The following RBFOX1 variants were observed in gnomAD, a reference collection of about 807,000 sequenced individuals.
RBFOX1 encodes the protein RNA binding fox-1 homolog 1.
RBFOX1 carries 8 observed loss-of-function variants against 57.7 expected under a neutral mutation model. The observed-to-expected ratio is 0.14, with a 90% CI of 0.08 to 0.25. The LOEUF (loss-of-function observed/expected upper bound fraction) is 0.25. Among genes scored for constraint, RBFOX1 ranks in the 10% least tolerant of loss-of-function variants. The pLI, the probability that RBFOX1 is intolerant of heterozygous loss-of-function variation, is 1.00. For synonymous variants in RBFOX1, 326 were observed against 222.4 expected, an observed-to-expected ratio of 1.47 and a Z score of -4.15; for missense variants, 611 against 548.5, an observed-to-expected ratio of 1.11 and a Z score of -1.14.
chr16:6,871,489 A>G (rs145749067), intron 3 of RBFOX1, among the ~76,000 whole-genome samples: 2 of 151,962 alleles, frequency 1.3e-5, no homozygotes, highest in Non-Finnish European at 2.9e-5. Context: ...CCCGGCCTCA[A>G]AATCACTCTT....
chr16:5,424,245 G>A (rs2067443958), intron 1 of RBFOX1, among the ~76,000 whole-genome samples: 2 of 152,198 alleles, frequency 1.3e-5, no homozygotes, highest in African/African-American at 4.8e-5. Flanking sequence ...ATTGCATTGA[G>A]AGACAGCGCC....
At chr16:7,417,650 G>A (rs1033395698) in intron 4 of RBFOX1, among the ~76,000 whole-genome samples, 1 of 151,792 alleles carries the variant, frequency 6.6e-6, no homozygotes, top group Non-Finnish European at 1.5e-5. Flanking sequence ...AAGATCCTAG[G>A]CTCTACTCTT....
At chr16:6,309,354 C>T (rs1364520426) in intron 1 of RBFOX1, among the ~76,000 whole-genome samples, 3 of 152,128 alleles carry the variant, frequency 2.0e-5, no homozygotes, top group Non-Finnish European at 2.9e-5. Context: ...CTAAGGATTT[C>T]TTTGGAGTAC....
chr16:7,222,035 A>C (rs1209793038), intron 4 of RBFOX1, among the ~76,000 whole-genome samples: 1 of 152,212 alleles, frequency 6.6e-6, no homozygotes, highest in Non-Finnish European at 1.5e-5. Flanking sequence ...CAGTCACTTA[A>C]AATTTTTCCG....
At chr16:7,451,010 C>G (rs2098847781) in intron 4 of RBFOX1, among the ~76,000 whole-genome samples, 1 of 152,222 alleles carries the variant, frequency 6.6e-6, no homozygotes, top group Admixed American at 6.5e-5. Context: ...TAGATAAGAC[C>G]TGGGCTTCGC....
At chr16:7,054,925 A>C (rs1348905321) in intron 4 of RBFOX1, among the ~76,000 whole-genome samples, 1 of 152,176 alleles carries the variant, frequency 6.6e-6, no homozygotes, top group Non-Finnish European at 1.5e-5. Context: ...TAGAAAGATA[A>C]AGCTGCGCTT....
Position 6,887,548 on chromosome 16 carries a change from A to C in RBFOX1, c.-15-164509A>C, listed in dbSNP as rs1000036644. 1.3e-4 allele frequency among the ~76,000 whole-genome samples: 20 copies of C among 148,350 alleles called. No homozygotes were observed. The Admixed American group carries it at 1.4e-3, about 11-fold the overall frequency. ...TTCCCTATATCTGTTTATAGACACAAAAACACATATACTTTTTTTTTTCCT... is the reference window on the plus strand; with the variant it reads ...TTCCCTATATCTGTTTATAGACACACAAACACATATACTTTTTTTTTTCCT... On this transcript the variant is annotated intron_variant, in intron 3 of 15. Transcript: ENST00000550418.
chr16:5,658,700 G>T (rs1341268423), intron 3 of RBFOX1, among the ~76,000 whole-genome samples: 1 of 150,358 alleles, frequency 6.7e-6, no homozygotes, highest in African/African-American at 2.4e-5. Context: ...CCTTTTCATG[G>T]CTGAGTAGTA....
intron 5 of RBFOX1, among the ~76,000 whole-genome samples, chr16:7,530,719 T>A (rs1484995741): frequency 1.3e-5 from 2 of 152,234 alleles, no homozygotes; most frequent in Middle Eastern, 3.4e-3. Flanking sequence ...ATTATAGCAT[T>A]TGATGTAGAG....
intron 3 of RBFOX1, among the ~76,000 whole-genome samples, chr16:6,881,318 G>C (rs894852552): frequency 2.6e-5 from 4 of 152,138 alleles, no homozygotes; most frequent in African/African-American, 9.7e-5. Context: ...TAGTTTGCTT[G>C]GACTGCCATA....
intron 4 of RBFOX1, among the ~76,000 whole-genome samples, chr16:7,406,802 G>A (rs1242019175): frequency 2.0e-5 from 3 of 152,210 alleles, no homozygotes; most frequent in African/African-American, 7.2e-5. Context: ...TACTAAACTT[G>A]AGGCTTCTGC....
chr16:7,048,761 G>A (rs2048927178), intron 3 of RBFOX1, among the ~76,000 whole-genome samples: 1 of 152,074 alleles, frequency 6.6e-6, no homozygotes, highest in African/African-American at 2.4e-5. Context: ...GATTTTCTTG[G>A]TTCCTAGTAT....
At chr16:5,911,615 G>T (rs868254822) in intron 4 of RBFOX1, among the ~76,000 whole-genome samples, 1 of 152,156 alleles carries the variant, frequency 6.6e-6, no homozygotes, top group East Asian at 1.9e-4. Context: ...GTTTTACTCT[G>T]TTTGGGCTGA....
At chr16:5,640,797 C>A (rs11649322) in intron 3 of RBFOX1, among the ~76,000 whole-genome samples, 1 of 148,848 alleles carries the variant, frequency 6.7e-6, no homozygotes, top group Admixed American at 6.6e-5. Context: ...TGCATACACA[C>A]ACATATACAC....
chr16:6,635,241 A>G (rs1289497378), intron 2 of RBFOX1, among the ~76,000 whole-genome samples: 2 of 151,124 alleles, frequency 1.3e-5, no homozygotes, highest in Non-Finnish European at 2.9e-5. Flanking sequence ...TTCAATTTAT[A>G]TATTCATCAC....
At chr16:5,503,851 A>T (rs945254219) in intron 2 of RBFOX1, among the ~76,000 whole-genome samples, 10 of 151,982 alleles carry the variant, frequency 6.6e-5, no homozygotes, top group Non-Finnish European at 1.5e-5. Context: ...AAGCTATCAA[A>T]CCCCTATTGT....
chr16:6,592,791 G>A (rs12922602), intron 2 of RBFOX1, among the ~76,000 whole-genome samples: 102 of 152,070 alleles, frequency 6.7e-4, no homozygotes, highest in Admixed American at 3.8e-3. Context: ...GTAGGCAAAT[G>A]TTCCCTGGAC....
At chr16:5,682,273 A>G (rs1201198373) in intron 3 of RBFOX1, among the ~76,000 whole-genome samples, 1 of 152,230 alleles carries the variant, frequency 6.6e-6, no homozygotes, top group African/African-American at 2.4e-5. Flanking sequence ...TTGTGGGAGC[A>G]CCATTAATCC....
chr16:7,204,728 C>T (rs539830946), intron 4 of RBFOX1, among the ~76,000 whole-genome samples: 6 of 152,226 alleles, frequency 3.9e-5, no homozygotes, highest in East Asian at 1.9e-4. Flanking sequence ...ATTTTTAGAG[C>T]GAGGCTTCCT....
Sources: gnomAD v4.1 joint callset for allele counts (sites outside exome capture counted in the v4.1 genomes callset) on GRCh38, gnomAD v4.1.1 for gene constraint, MANE v1.5 for transcripts, NCBI Gene and HGNC (gene_info 2026-07-23, HGNC 2026-07-21) for gene names.